The following ABCC9 variants were observed in gnomAD, a reference collection of about 807,000 sequenced individuals.
ABCC9 encodes the protein ATP binding cassette subfamily C member 9, also known as ATP-binding cassette sub-family C member 9.
In ABCC9, 95 loss-of-function variants were observed where a neutral mutation model predicts 188.3. The observed-to-expected ratio is 0.50, with a 90% CI of 0.43 to 0.60. The LOEUF is 0.60. Ranked by LOEUF, ABCC9 falls within the 20% of genes least tolerant of loss-of-function variation. The pLI, the probability that ABCC9 is intolerant of heterozygous loss-of-function variation, is 0.00. For missense variants in ABCC9, 1,102 were observed against 1,876.3 expected (o/e 0.59, Z 7.62); for synonymous variants, 659 against 652.7 (o/e 1.01, Z -0.15).
chr12:21,868,768 C>T (rs143768826), intron 18 of ABCC9, among the ~76,000 whole-genome samples: 293 of 152,102 alleles, frequency 1.9e-3, no homozygotes, highest in African/African-American at 6.6e-3. Context: ...TTAAAAAAAA[C>T]GAATTCAGTC....
At chr12:21,903,541 A>T (rs1432403847) in intron 12 of ABCC9, among the ~76,000 whole-genome samples, 1 of 152,220 alleles carries the variant, frequency 6.6e-6, no homozygotes, top group Non-Finnish European at 1.5e-5. Context: ...CCAATGTCTC[A>T]GCCCCAAATC....
At chr12:21,930,681 G>T (rs555731396) in intron 4 of ABCC9, among the ~76,000 whole-genome samples, 9 of 152,106 alleles carry the variant, frequency 5.9e-5, no homozygotes, top group East Asian at 3.9e-4. Flanking sequence ...CATTTTTTTT[G>T]ATAATGGCCA....
chr12:21,846,988 C>A (rs1243699611), intron 25 of ABCC9, among the ~76,000 whole-genome samples: 1 of 152,024 alleles, frequency 6.6e-6, no homozygotes, highest in Non-Finnish European at 1.5e-5. Context: ...ACTCCTTTCT[C>A]TTAAGAGAAA....
chr12:21,933,450 C>G (rs1949365148), intron 4 of ABCC9, among the ~76,000 whole-genome samples: 2 of 152,020 alleles, frequency 1.3e-5, no homozygotes, highest in South Asian at 2.1e-4. Context: ...ATTTATGGCT[C>G]TATCCTCACT....
chr12:21,917,500 A>T (rs1413131127), intron 5 of ABCC9, among the ~76,000 whole-genome samples: 1 of 152,198 alleles, frequency 6.6e-6, no homozygotes, highest in Non-Finnish European at 1.5e-5. Context: ...CCTACTTCAT[A>T]GGTGTGTTGC....
chr12:21,919,062 CAG>C lies in ABCC9; in HGVS notation c.407-1961_407-1960del, dbSNP rs1232120190. 7.2e-5 allele frequency among the ~76,000 whole-genome samples: 11 copies of C among 151,874 alleles called. No individual in the cohort carries two copies. The South Asian group carries it at 2.3e-3, about 32-fold the overall frequency. ...CAAGAAGTACAACTAAAATAAGACTCAGAGGAAAATTTACAGCTTTAGATATT... is the reference window on the plus strand; with the variant it reads ...CAAGAAGTACAACTAAAATAAGACTCAGGAAAATTTACAGCTTTAGATATT... On this transcript the variant is annotated intron_variant, in intron 5 of 39. Coordinates refer to ENST00000261200, the MANE Select transcript of ABCC9 (RefSeq NM_020297.4).
rs1174314931 is a variant in ABCC9, at chr12:21,841,347, C to CTTTTTTTTTTTTTTTTT, written c.3473+950_3473+966dup. 4.1e-4 allele frequency among the ~76,000 whole-genome samples: 8 copies of CTTTTTTTTTTTTTTTTT among 19,604 alleles called. 3 individuals carry two copies. The highest frequency in any genetic ancestry group is 5.2e-4 in the African/African-American group (2 of 3,810). 12.9% of individuals were successfully genotyped at this position (19,604 alleles called of 152,430 possible). On this transcript the variant is annotated intron_variant, in intron 29 of 39. Transcript: ENST00000261200. ...TCTTTGGGATTATGTTTCTGGTTTC[C>CTTTTTTTTTTTTTTTTT]TTTTTTTTTTTTTTTTTTTTTTTTT... is the stretch of plus-strand genomic sequence containing the variant.
chr12:21,842,714 T>C (rs958573743), intron 28 of ABCC9, among the ~76,000 whole-genome samples: 8 of 152,222 alleles, frequency 5.3e-5, no homozygotes, highest in African/African-American at 1.9e-4. Flanking sequence ...TTTATGTAAA[T>C]GACACTGTAC....
Position 21,915,654 on chromosome 12 carries a change from A to G in ABCC9, c.816+14T>C. 1 of 1,611,392 alleles carries G rather than the reference A, an allele frequency of 6.2e-7. No individual in the cohort carries two copies. Among genetic ancestry groups the G allele is most frequent in the Non-Finnish European group, 8.5e-7 (1 of 1,179,140 alleles). On this transcript the variant is annotated intron_variant, in intron 7 of 39. Coordinates refer to ENST00000261200, the MANE Select transcript of ABCC9 (RefSeq NM_020297.4). ...CTCTGTAATTAAGCACATGGAAGAC[A>G]GACGCTAAATCACCTTTTGTTCTTC...
Position 21,910,840 on chromosome 12 carries a change from G to T in ABCC9, c.1150C>A (p.Arg384Ser), listed in dbSNP as rs749318820. Reference protein sequence around the residue: ...YVTIETGINLRGALLAMIYNK... With the variant: ...YVTIETGINLSGALLAMIYNK... Reference sequence around the variant, plus strand: ...CCTTTACATACCAGCAGAGCTCCACGGAGGTTAATGCCAGTCTCTATGGTT... The same window carrying T: ...CCTTTACATACCAGCAGAGCTCCACTGAGGTTAATGCCAGTCTCTATGGTT... The change falls in exon 9 of 40, where the codon CGT becomes AGT. Residue 384 changes from arginine to serine, a missense_variant. By Grantham distance (110) the Arg-to-Ser change is moderately radical. This residue lies in a region of ABCC9 where 305 missense variants were observed against 573.0 expected (regional missense o/e 0.53). Coordinates refer to ENST00000261200, the MANE Select transcript of ABCC9 (RefSeq NM_020297.4). The T allele has an allele frequency of 6.2e-7, 1 of 1,611,750 alleles. No individual in the cohort carries two copies. Among genetic ancestry groups the T allele is most frequent in the South Asian group, 1.1e-5 (1 of 91,044 alleles).
At chr12:21,833,971 C>T (rs189785787) in intron 30 of ABCC9, among the ~76,000 whole-genome samples, 1 of 152,280 alleles carries the variant, frequency 6.6e-6, no homozygotes, top group East Asian at 1.9e-4. Context: ...CTCCTTCCCA[C>T]CTCAGTAAAA....
chr12:21,856,451 AT>A (rs1270084553), intron 22 of ABCC9, among the ~76,000 whole-genome samples: 2 of 152,148 alleles, frequency 1.3e-5, no homozygotes, highest in African/African-American at 4.8e-5. Context: ...ATTTTTGGAA[AT>A]AATTTAATAT....
At chr12:21,801,806 T>C (rs911232550) in intron 39 of ABCC9, among the ~76,000 whole-genome samples, 2 of 152,176 alleles carry the variant, frequency 1.3e-5, no homozygotes, top group Admixed American at 1.3e-4. Flanking sequence ...GCATATGCCA[T>C]ATATTAAGTT....
At chr12:21,937,528 C>T (rs7316271) in intron 2 of ABCC9, among the ~76,000 whole-genome samples, 86,134 of 151,930 alleles carry the variant, frequency 0.57, 24,968 homozygotes, top group East Asian at 0.79. Flanking sequence ...AGAGGAGTGA[C>T]GTGCTCTCAC....
intron 13 of ABCC9, 54 bp from the exon 14 acceptor site, chr12:21,894,228 G>A (rs528052435): frequency 1.4e-5 from 23 of 1,590,144 alleles, no homozygotes; most frequent in African/African-American, 2.7e-5. Context: ...TCACACATGC[G>A]TACATTCAGT....
chr12:21,824,137 C>T (rs764961523), intron 31 of ABCC9, among the ~76,000 whole-genome samples: 8 of 152,100 alleles, frequency 5.3e-5, no homozygotes, highest in Non-Finnish European at 1.2e-4. Flanking sequence ...TTTTTAAAAA[C>T]ATAAACAATT....
rs1457310939 is a variant in ABCC9 at position 21,863,807 on chromosome 12, A to T, written c.2237+632T>A. 2.6e-5 allele frequency among the ~76,000 whole-genome samples: 4 copies of T among 152,144 alleles called. No homozygotes were observed. In the East Asian group the frequency reaches 7.7e-4, roughly 29 times the overall value. On this transcript the variant is annotated intron_variant, in intron 19 of 39. Transcript: ENST00000261200. ...TCCACAGTTAGTTCATGATCTGTAAAGTACTGATGAAGGAAATAGGGTTAA... is the reference window on the plus strand; with the variant it reads ...TCCACAGTTAGTTCATGATCTGTAATGTACTGATGAAGGAAATAGGGTTAA...
At chr12:21,907,614 C>A (rs1011523191) in intron 11 of ABCC9, among the ~76,000 whole-genome samples, 11 of 152,130 alleles carry the variant, frequency 7.2e-5, no homozygotes, top group African/African-American at 2.6e-4. Context: ...TCAGCAAGAG[C>A]AGCTGCCACT....
Position 21,845,793 on chromosome 12 carries a change from G to C in ABCC9, c.2906C>G (p.Thr969Ser). 6.2e-7 allele frequency: 1 copy of C among 1,613,794 alleles called. No homozygotes were observed. Among genetic ancestry groups the C allele is most frequent in the Admixed American group, 1.7e-5 (1 of 59,990 alleles). The change falls in exon 26 of 40, where the codon ACT (threonine) becomes AGT (serine). Residue 969 changes from threonine to serine, a missense_variant. Transcript: ENST00000261200. ...EEEDEDDNMS[T>S]VMRLRTKMPW... ...CATTTTAGTCCTGAGCCTCATTACA[G>C]TGGACATGTTATCATCCTCATCTTC...
Sources: gnomAD v4.1 joint callset for allele counts (sites outside exome capture counted in the v4.1 genomes callset) on GRCh38, gnomAD v4.1.1 for gene constraint, gnomAD v4.1.1 regional missense constraint, MANE v1.5 for transcripts, NCBI Gene and HGNC (gene_info 2026-07-23, HGNC 2026-07-21) for gene names.